Variants in ZNF675 observed in about 807,000 individuals in gnomAD.
ZNF675 encodes the protein TRAF6 inhibitory zinc finger.
A neutral mutation model predicts 56.1 loss-of-function variants in ZNF675; 36 were observed. The observed-to-expected ratio is 0.64, with a 90% CI of 0.49 to 0.85. The LOEUF is 0.85. Ranked by LOEUF, ZNF675 falls within the 40% of genes least tolerant of loss-of-function variation. The pLI is 0.00. For synonymous variants in ZNF675, 200 were observed against 218.9 expected (o/e 0.91, Z 0.76); for missense variants, 663 against 654.2 (o/e 1.01, Z -0.15).
chr19:23,653,030 A>C lies in ZNF675; in HGVS notation c.*196T>G. ...CTTAAGTATAAACGCTTTCCTGTGC[A>C]ATAAGGTTTGAGCCTTAATTAACAG... On this transcript the variant is annotated 3_prime_UTR_variant, in exon 4 of 4. Transcript: ENST00000359788. 1.9e-6 allele frequency: 1 copy of C among 530,408 alleles called. No homozygotes were observed. The highest frequency in any genetic ancestry group is 3.2e-6 in the Non-Finnish European group (1 of 310,148). 32.9% of individuals were successfully genotyped at this position (530,408 alleles called of 1,614,324 possible). A position where few individuals can be genotyped will look rare whatever the true frequency, so the allele number is the denominator to read the frequency against.
At chr19:23,664,628 C>G (rs1266357116) in intron 1 of ZNF675, among the ~76,000 whole-genome samples, 1 of 152,102 alleles carries the variant, frequency 6.6e-6, no homozygotes, top group African/African-American at 2.4e-5. Flanking sequence ...TGATTTTGGC[C>G]TCATGTTAGA....
chr19:23,685,425 G>T (rs1968430870), intron 1 of ZNF675, among the ~76,000 whole-genome samples: 7 of 152,174 alleles, frequency 4.6e-5, no homozygotes, highest in Admixed American at 4.6e-4. Flanking sequence ...CATAGCCATG[G>T]TAGATATATT....
chr19:23,654,697 G>A lies in ZNF675; in HGVS notation c.236C>T (p.Ser79Phe). The change falls in exon 4 of 4, where the codon TCT (serine) becomes TTT (phenylalanine). Residue 79 changes from serine to phenylalanine, a missense_variant. By Grantham distance (155) the Ser-to-Phe change is radical. This residue lies in a region of ZNF675 where 617 missense variants were observed against 590.5 expected (regional missense o/e 1.04). Transcript: ENST00000359788. ...TGGCCAAAACTCTTGGGCAAAATGA[G>A]AACACATTACTGAAAGAAATAAAAA... ...EMVNEPPVMC[S>F]HFAQEFWPEQ... 2.6e-6 allele frequency: 4 copies of A among 1,525,760 alleles called. No individual in the cohort carries two copies. Among genetic ancestry groups the A allele is most frequent in the Non-Finnish European group, 3.5e-6 (4 of 1,138,162 alleles). The allele number at this position is 1,525,760 out of a possible 1,614,324, so 94.5% of individuals were successfully genotyped here.
Position 23,687,026 on chromosome 19 carries a change from C to G in ZNF675, c.3+5G>C. ...CTCTCGGGATGTCGCACCCGTAACT[C>G]TCACCATTTCTAGGCTTCCAGGGGG... is the stretch of plus-strand genomic sequence containing the variant. On this transcript the variant is annotated splice_donor_5th_base_variant and intron_variant, in intron 1 of 3. Coordinates refer to ENST00000359788, the MANE Select transcript of ZNF675 (RefSeq NM_138330.3). The G allele has an allele frequency of 1.2e-6, 2 of 1,613,788 alleles. No individual in the cohort carries two copies. The highest frequency in any genetic ancestry group is 1.7e-6 in the Non-Finnish European group (2 of 1,179,774).
intron 3 of ZNF675, among the ~76,000 whole-genome samples, chr19:23,661,355 A>G (rs900817024): frequency 3.3e-5 from 5 of 151,460 alleles, no homozygotes; most frequent in Non-Finnish European, 7.4e-5. Context: ...ACTACATTAG[A>G]AGACTATAGA....
At chr19:23,686,834 G>A (rs1223909168) in intron 1 of ZNF675, among the ~76,000 whole-genome samples, 197 bp downstream of exon 1, 2 of 152,182 alleles carry the variant, frequency 1.3e-5, no homozygotes, top group African/African-American at 2.4e-5. Flanking sequence ...GCAGAGAAGA[G>A]ACGGGATGCC....
intron 1 of ZNF675, among the ~76,000 whole-genome samples, chr19:23,668,171 C>CCT (rs1568292453): frequency 6.6e-6 from 1 of 151,610 alleles, no homozygotes; most frequent in Non-Finnish European, 1.5e-5. Context: ...TGTTTACAAA[C>CCT]CTTGAGCTAG....
intron 3 of ZNF675, among the ~76,000 whole-genome samples, chr19:23,661,253 C>T (rs12981070): frequency 0.97 from 147,795 of 152,154 alleles, 71,943 homozygotes; most frequent in Middle Eastern, 1. Flanking sequence ...CCTCCTGATC[C>T]GCCCACCTCA....
At chr19:23,657,547 C>G (rs1056094921) in intron 3 of ZNF675, among the ~76,000 whole-genome samples, 1 of 152,100 alleles carries the variant, frequency 6.6e-6, no homozygotes, top group African/African-American at 2.4e-5. Flanking sequence ...GAAACCTCGT[C>G]TCTACTAAAA....
In ZNF675 at chr19:23,654,087, T is replaced by G; in HGVS notation, c.846A>C (p.Lys282Asn). 2 of 1,613,860 alleles carry G rather than the reference T, an allele frequency of 1.2e-6. No homozygotes were observed. Among genetic ancestry groups the G allele is most frequent in the Non-Finnish European group, 1.7e-6 (2 of 1,180,000 alleles). Residue 282 changes from lysine (K) to asparagine (N), a missense_variant, in exon 4 of 4, where the codon AAA becomes AAC. This residue lies in a region of ZNF675 where 617 missense variants were observed against 590.5 expected (regional missense o/e 1.04). Transcript: ENST00000359788. The part of the protein sequence containing the change: ...TTHKIIHTGE[K>N]PYKCEECGKA... ...TGCCACATTCTTCACATTTGTAGGG[T>G]TTCTCTCCTGTATGAATTATCTTAT...
intron 1 of ZNF675, among the ~76,000 whole-genome samples, chr19:23,674,628 AAG>A (rs1968272760): frequency 6.7e-6 from 1 of 150,020 alleles, no homozygotes; most frequent in South Asian, 2.1e-4. Flanking sequence ...AAAAAAAAAA[AAG>A]GAGAGAGATA....
intron 1 of ZNF675, among the ~76,000 whole-genome samples, chr19:23,665,544 G>A (rs1413605472): frequency 2.0e-5 from 3 of 151,882 alleles, no homozygotes; most frequent in Non-Finnish European, 4.4e-5. Flanking sequence ...AGCGCAGGCT[G>A]GAGTGCAGTG....
At chr19:23,685,259 C>G (rs4932899) in intron 1 of ZNF675, among the ~76,000 whole-genome samples, 147,919 of 152,318 alleles carry the variant, frequency 0.97, 71,987 homozygotes, top group Middle Eastern at 1. Flanking sequence ...CCACCGTGCA[C>G]GCAAGGGTTA....
At chr19:23,658,908 G>GATATAGAGATATATATACCTATCT (rs1238598265) in intron 3 of ZNF675, among the ~76,000 whole-genome samples, 1 of 25,214 alleles carries the variant, frequency 4.0e-5, no homozygotes, top group African/African-American at 1.5e-4. Context: ...GATATCTATA[G>GATATAGAGATATATATACCTATCT]ATAGATATAG....
chr19:23,668,694 G>A (rs989722683), intron 1 of ZNF675, among the ~76,000 whole-genome samples: 4 of 152,210 alleles, frequency 2.6e-5, no homozygotes, highest in Non-Finnish European at 4.4e-5. Context: ...CTAAGGCCCG[G>A]CGAGAAATCG....
rs909101386 is a variant in ZNF675 at position 23,687,158 on chromosome 19, C to T, written c.-125G>A. 1.4e-4 allele frequency: 173 copies of T among 1,203,448 alleles called. No individual in the cohort carries two copies. Among genetic ancestry groups the T allele is most frequent in the Non-Finnish European group, 1.9e-4 (154 of 826,026 alleles). The allele number at this position is 1,203,448 out of a possible 1,614,324, so 74.5% of individuals were successfully genotyped here. The stretch of plus-strand genomic sequence containing the variant: ...AGAGCAATGAAAGCGAGACCTGGAG[C>T]TCCGGCTGCAGCGAGAGACAAAGGC... On this transcript the variant is annotated 5_prime_UTR_variant, in exon 1 of 4. Coordinates refer to ENST00000359788, the MANE Select transcript of ZNF675 (RefSeq NM_138330.3).
At chr19:23,664,884 A>C (rs1385394837) in intron 1 of ZNF675, among the ~76,000 whole-genome samples, 1 of 152,010 alleles carries the variant, frequency 6.6e-6, no homozygotes, top group Non-Finnish European at 1.5e-5. Context: ...CTGGCAGGCG[A>C]ATGTTGCAGT....
intron 1 of ZNF675, among the ~76,000 whole-genome samples, chr19:23,665,243 G>A (rs1298778838): frequency 6.6e-6 from 1 of 151,278 alleles, no homozygotes; most frequent in East Asian, 2.0e-4. Context: ...TACTCAGGAG[G>A]CTGAGGCAGG....
At chr19:23,684,256 C>T (rs550964843) in intron 1 of ZNF675, among the ~76,000 whole-genome samples, 5 of 147,560 alleles carry the variant, frequency 3.4e-5, no homozygotes, top group South Asian at 2.1e-4. Flanking sequence ...ATCGAGACTC[C>T]GTCTCAAAAA....
Sources: gnomAD v4.1 joint callset for allele counts (sites outside exome capture counted in the v4.1 genomes callset) on GRCh38, gnomAD v4.1.1 for gene constraint, gnomAD v4.1.1 regional missense constraint, MANE v1.5 for transcripts, NCBI Gene and HGNC (gene_info 2026-07-23, HGNC 2026-07-21) for gene names.